THADA: variants seen among roughly 807,000 people sequenced by gnomAD.
THADA encodes the protein tRNA (32-2'-O)-methyltransferase regulator THADA.
In THADA, 213 loss-of-function variants were observed where a neutral mutation model predicts 219.8. The observed-to-expected ratio is 0.97, with a 90% CI of 0.87 to 1.09. The LOEUF (loss-of-function observed/expected upper bound fraction) is 1.09, where lower values mean the gene tolerates loss of function less well. Ranked by LOEUF, THADA falls within the 50% of genes least tolerant of loss-of-function variation. The pLI, the probability that THADA is intolerant of heterozygous loss-of-function variation, is 0.00. For missense variants in THADA, 2,956 were observed against 2,311.3 expected, an observed-to-expected ratio of 1.28 and a Z score of -5.72; for synonymous variants, 1,018 against 828.9, an observed-to-expected ratio of 1.23 and a Z score of -3.92.
rs145885724 is a variant in THADA, at chr2:43,389,722, C to T, written c.4227+8249G>A. On this transcript the variant is annotated intron_variant, in intron 29 of 37. Transcript: ENST00000405975. ...TCTGATGCCCTCCTCCATGCCTGGG[C>T]TCATACCATGTCCCTTGCCTCAAAA... Among the ~76,000 whole-genome samples the T allele has an allele frequency of 5.3e-3, 808 of 152,282 alleles. 4 individuals are homozygous for T. The highest frequency in any genetic ancestry group is 0.01 in the Middle Eastern group (3 of 294).
intron 30 of THADA, among the ~76,000 whole-genome samples, chr2:43,335,041 G>A (rs540457954): frequency 1.3e-5 from 2 of 152,310 alleles, no homozygotes; most frequent in South Asian, 4.1e-4. Context: ...GGGGGAGTTG[G>A]AAGATCACAG....
intron 26 of THADA, among the ~76,000 whole-genome samples, chr2:43,471,937 T>C (rs1359164186): frequency 1.3e-5 from 2 of 152,178 alleles, no homozygotes; most frequent in African/African-American, 4.8e-5. Flanking sequence ...AATGAAGATA[T>C]TAGATCATGC....
At chr2:43,313,728 C>T (rs1315687009) in intron 31 of THADA, among the ~76,000 whole-genome samples, 1 of 152,230 alleles carries the variant, frequency 6.6e-6, no homozygotes, top group Non-Finnish European at 1.5e-5. Flanking sequence ...AAAAGGGGGT[C>T]CCTTCTCTGT....
intron 28 of THADA, among the ~76,000 whole-genome samples, chr2:43,407,539 G>C (rs577354549): frequency 2.3e-4 from 35 of 152,004 alleles, no homozygotes; most frequent in Non-Finnish European, 4.6e-4. Flanking sequence ...TAATTTTTCA[G>C]GTGATTATCT....
intron 15 of THADA, chr2:43,566,150 T>G: frequency 3.1e-6 from 1 of 321,718 alleles, no homozygotes; most frequent in Non-Finnish European, 5.6e-6. Flanking sequence ...AAAAAAAGAT[T>G]CAAAGAGGGA....
intron 20 of THADA, among the ~76,000 whole-genome samples, chr2:43,544,678 T>C (rs1414696862): frequency 5.3e-5 from 8 of 150,926 alleles, no homozygotes; most frequent in African/African-American, 1.7e-4. Context: ...TCTCTGTTTG[T>C]CTGTTATTGG....
chr2:43,580,718 T>C (rs1039332860), intron 8 of THADA, among the ~76,000 whole-genome samples: 1 of 150,210 alleles, frequency 6.7e-6, no homozygotes, highest in East Asian at 2.0e-4. Flanking sequence ...ATATTAAAAA[T>C]ACAAAAAAAA....
intron 35 of THADA, among the ~76,000 whole-genome samples, chr2:43,284,631 G>C (rs1358941452): frequency 1.3e-5 from 2 of 152,202 alleles, no homozygotes; most frequent in African/African-American, 4.8e-5. Context: ...GGGAAATGTG[G>C]GGTTAGAGCC....
chr2:43,389,207 G>C (rs1279599311), intron 29 of THADA, among the ~76,000 whole-genome samples: 1 of 152,220 alleles, frequency 6.6e-6, no homozygotes, highest in Non-Finnish European at 1.5e-5. Flanking sequence ...GCTGGCTCCA[G>C]AGTCCACTCT....
intron 34 of THADA, among the ~76,000 whole-genome samples, chr2:43,290,962 G>GGAAT (rs1326667796): frequency 6.6e-6 from 1 of 151,980 alleles, no homozygotes; most frequent in Non-Finnish European, 1.5e-5. Flanking sequence ...ATGTTCTGGG[G>GGAAT]GAATATTTAA....
At chr2:43,484,682 T>TA (rs1333919854) in intron 26 of THADA, among the ~76,000 whole-genome samples, 1 of 152,090 alleles carries the variant, frequency 6.6e-6, no homozygotes, top group Non-Finnish European at 1.5e-5. Flanking sequence ...AGCTGTTTTT[T>TA]AAAGACAAAA....
intron 4 of THADA, among the ~76,000 whole-genome samples, chr2:43,589,965 A>G (rs946293774): frequency 1.3e-5 from 2 of 152,224 alleles, no homozygotes; most frequent in African/African-American, 4.8e-5. Context: ...TGAAAAAACA[A>G]GCTACAGAGC....
chr2:43,564,908 A>C (rs1698487110), intron 15 of THADA: 1 of 152,240 alleles, frequency 6.6e-6, no homozygotes, highest in South Asian at 2.1e-4. Context: ...GGAAGCTAAA[A>C]AGAGGCATAA....
At chr2:43,592,295 A>C (rs1242375061) in intron 2 of THADA, 22 bp downstream of exon 2, 2 of 1,563,444 alleles carry the variant, frequency 1.3e-6, no homozygotes, top group East Asian at 4.5e-5. Context: ...AAATATAATA[A>C]GGGAAACCAG....
intron 29 of THADA, among the ~76,000 whole-genome samples, chr2:43,361,690 C>T (rs17406264): frequency 0.013 from 2,011 of 152,306 alleles, 19 homozygotes; most frequent in Non-Finnish European, 0.017. Flanking sequence ...TGCTTTCTGA[C>T]GAATCATCTT....
chr2:43,420,739 T>C (rs1207886813), intron 28 of THADA, among the ~76,000 whole-genome samples: 1 of 152,236 alleles, frequency 6.6e-6, no homozygotes, highest in Non-Finnish European at 1.5e-5. Flanking sequence ...CAGGCCCCTA[T>C]CTAGGAACTA....
intron 26 of THADA, among the ~76,000 whole-genome samples, chr2:43,465,056 T>G (rs1684076445): frequency 6.6e-6 from 1 of 152,180 alleles, no homozygotes; most frequent in Non-Finnish European, 1.5e-5. Flanking sequence ...TTTCCTCTTG[T>G]TTTCCCTGCT....
At chr2:43,566,313 CCA>C in intron 15 of THADA, 1 of 548,914 alleles carries the variant, frequency 1.8e-6, no homozygotes, top group Non-Finnish European at 3.2e-6. Context: ...CACATTTTAA[CCA>C]CAGAGACTCA....
At chr2:43,393,390 A>C (rs1309719860) in intron 29 of THADA, among the ~76,000 whole-genome samples, 1 of 152,208 alleles carries the variant, frequency 6.6e-6, no homozygotes, top group Non-Finnish European at 1.5e-5. Flanking sequence ...TAAAGAAAAT[A>C]GGAACACAGG....
Sources: gnomAD v4.1 joint callset for allele counts (sites outside exome capture counted in the v4.1 genomes callset) on GRCh38, gnomAD v4.1.1 for gene constraint, MANE v1.5 for transcripts, NCBI Gene and HGNC (gene_info 2026-07-23, HGNC 2026-07-21) for gene names.